CPAMD8: variants seen among roughly 807,000 people sequenced by gnomAD.
CPAMD8 encodes C3 and PZP-like alpha-2-macroglobulin domain-containing protein 8.
CPAMD8 carries 146 observed loss-of-function variants against 224.7 expected under a neutral mutation model. That is an observed-to-expected ratio of 0.65 (90% CI 0.57 to 0.75). CPAMD8 has a LOEUF of 0.75. Ranked by LOEUF, CPAMD8 falls within the 30% of genes least tolerant of loss-of-function variation. The pLI, the probability that CPAMD8 is intolerant of heterozygous loss-of-function variation, is 0.00. For missense variants in CPAMD8, 2,301 were observed against 2,537.5 expected, an observed-to-expected ratio of 0.91 and a Z score of 2.00; for synonymous variants, 966 against 1,044.6, an observed-to-expected ratio of 0.92 and a Z score of 1.45.
intron 8 of CPAMD8, among the ~76,000 whole-genome samples, chr19:17,003,883 T>C (rs1453412741): frequency 6.6e-6 from 1 of 151,416 alleles, no homozygotes; most frequent in Non-Finnish European, 1.5e-5. Flanking sequence ...ACCTCTTCAC[T>C]GCCATCTTCA....
At chr19:17,003,175 T>A (rs2056386740) in intron 8 of CPAMD8, among the ~76,000 whole-genome samples, 1 of 151,878 alleles carries the variant, frequency 6.6e-6, no homozygotes, top group Non-Finnish European at 1.5e-5. Flanking sequence ...AGTGCTGGGA[T>A]TACAGACGTT....
intron 27 of CPAMD8, among the ~76,000 whole-genome samples, chr19:16,915,181 G>C (rs147508915): frequency 8.2e-4 from 123 of 150,242 alleles, no homozygotes; most frequent in African/African-American, 2.8e-3. Context: ...CTTGGTCCTT[G>C]CCAAAAGGCC....
At chr19:17,000,370 C>G (rs754022703) in intron 10 of CPAMD8, 44 bp downstream of exon 10, 1 of 772,250 alleles carries the variant, frequency 1.3e-6, no homozygotes, top group South Asian at 1.4e-5. Flanking sequence ...TGGAGGTGAA[C>G]CTGGGGGTTG....
At position 16,975,232 on chromosome 19, in the gene CPAMD8, A is replaced by G. The variant is rs2122694970; in HGVS notation, c.1935T>C (p.Asp645=). ...AQVFQELEDY[D]VSDSFGVSRE... is the part of the protein sequence containing the mutation. ...TGGACACGCCAAAGGAATCAGAAAC[A>G]TCATAATCTTCCAGTTCCTGGAAAA... Residue 645 remains aspartate (D), a synonymous_variant, in exon 17 of 42, where the codon GAT becomes GAC. Transcript: ENST00000443236. The G allele has an allele frequency of 6.2e-7, 1 of 1,607,828 alleles. No homozygotes were observed. The highest frequency in any genetic ancestry group is 8.5e-7 in the Non-Finnish European group (1 of 1,176,942).
intron 14 of CPAMD8, among the ~76,000 whole-genome samples, chr19:16,979,793 C>T (rs768479627): frequency 6.6e-6 from 1 of 150,844 alleles, no homozygotes; most frequent in Non-Finnish European, 1.5e-5. Flanking sequence ...GGTTGAGAAA[C>T]CTTGCCTTCG....
At chr19:16,910,677 C>T (rs1356596305) in intron 29 of CPAMD8, 1 of 151,780 alleles carries the variant, frequency 6.6e-6, no homozygotes, top group Non-Finnish European at 1.5e-5. Flanking sequence ...TTAGTGCAGA[C>T]ACTTGATTGG....
intron 29 of CPAMD8, among the ~76,000 whole-genome samples, chr19:16,908,785 G>A (rs1255363764): frequency 6.6e-6 from 1 of 152,192 alleles, no homozygotes; most frequent in Non-Finnish European, 1.5e-5. Context: ...GGAGGCATGT[G>A]CCAGGGATGA....
chr19:16,960,180 C>T (rs1380976773), intron 18 of CPAMD8, among the ~76,000 whole-genome samples: 3 of 151,888 alleles, frequency 2.0e-5, no homozygotes, highest in Non-Finnish European at 2.9e-5. Flanking sequence ...TCACAGTTCA[C>T]CCTCCTCAAA....
chr19:16,967,733 C>T (rs191173737), intron 18 of CPAMD8, among the ~76,000 whole-genome samples: 166 of 151,332 alleles, frequency 1.1e-3, no homozygotes, highest in Non-Finnish European at 1.8e-3. Context: ...GGCATGAAAC[C>T]GGTAGGCAGA....
chr19:16,968,625 TTTTA>T (rs148205198), intron 18 of CPAMD8, among the ~76,000 whole-genome samples: 16 of 151,854 alleles, frequency 1.1e-4, no homozygotes, highest in Admixed American at 2.6e-4. Flanking sequence ...GCTTAAGTGT[TTTTA>T]TTTATTTATT....
intron 8 of CPAMD8, 73 bp from the exon 9 acceptor site, chr19:17,002,423 C>T: frequency 3.0e-6 from 3 of 993,800 alleles, no homozygotes; most frequent in Non-Finnish European, 4.7e-6. Flanking sequence ...GACACCGGTG[C>T]AAGGTGTCTG....
intron 27 of CPAMD8, among the ~76,000 whole-genome samples, chr19:16,919,714 A>G (rs560495550): frequency 6.6e-6 from 1 of 152,316 alleles, no homozygotes; most frequent in East Asian, 1.9e-4. Flanking sequence ...GGAGGTAGGA[A>G]CCATGTGTTC....
intron 3 of CPAMD8, 32 bp downstream of exon 3, chr19:17,020,299 C>T: frequency 6.6e-7 from 1 of 1,521,150 alleles, no homozygotes; most frequent in Non-Finnish European, 9.1e-7. Flanking sequence ...TTTCCAAGGT[C>T]AGGTTTATGA....
intron 13 of CPAMD8, among the ~76,000 whole-genome samples, chr19:16,989,427 C>T (rs2055858235): frequency 6.6e-6 from 1 of 152,162 alleles, no homozygotes; most frequent in Non-Finnish European, 1.5e-5. Context: ...GCTGGGATTA[C>T]AGGCACGCAC....
intron 3 of CPAMD8, among the ~76,000 whole-genome samples, chr19:17,020,112 T>C (rs1237687230): frequency 4.6e-5 from 7 of 151,756 alleles, no homozygotes; most frequent in African/African-American, 1.7e-4. Context: ...GTAGCTGGGA[T>C]TACAGGCATG....
At chr19:16,897,840 G>C in intron 38 of CPAMD8, 39 bp from the exon 39 acceptor site, 1 of 1,575,458 alleles carries the variant, frequency 6.3e-7, no homozygotes, top group Middle Eastern at 1.7e-4. Flanking sequence ...GTGCAGGCGC[G>C]ACGGGTCAGG....
chr19:16,967,168 G>A (rs1057004580), intron 18 of CPAMD8, among the ~76,000 whole-genome samples: 1 of 152,032 alleles, frequency 6.6e-6, no homozygotes, highest in East Asian at 1.9e-4. Flanking sequence ...CATAAAAAAG[G>A]ATGCGTTCAT....
chr19:17,019,096 C>T (rs1460227535), intron 3 of CPAMD8, among the ~76,000 whole-genome samples: 2 of 151,948 alleles, frequency 1.3e-5, no homozygotes, highest in Admixed American at 1.3e-4. Context: ...GGAAACACCA[C>T]GGTGTTTTGT....
intron 11 of CPAMD8, among the ~76,000 whole-genome samples, chr19:16,996,369 T>C (rs1411202710): frequency 6.6e-6 from 1 of 151,612 alleles, no homozygotes; most frequent in Non-Finnish European, 1.5e-5. Context: ...GATCATGACA[T>C]CTGGACACCT....
Sources: allele counts gnomAD v4.1 joint callset (sites outside exome capture counted in the v4.1 genomes callset), GRCh38; gene constraint gnomAD v4.1.1; transcripts MANE v1.5; gene names NCBI Gene and HGNC (gene_info 2026-07-23, HGNC 2026-07-21).